Variants in PSD3 observed in about 807,000 individuals in gnomAD.
The protein encoded by PSD3 is PH and SEC7 domain-containing protein 3.
A neutral mutation model predicts 105.5 loss-of-function variants in PSD3; 49 were observed. That is an observed-to-expected ratio of 0.46 (90% confidence interval 0.37 to 0.59). The LOEUF (loss-of-function observed/expected upper bound fraction) is 0.59. Ranked by LOEUF, PSD3 falls within the 20% of genes least tolerant of loss-of-function variation. The pLI is 0.00. For synonymous variants in PSD3, 557 were observed against 457.8 expected, an observed-to-expected ratio of 1.22 and a Z score of -2.77; for missense variants, 1,561 against 1,263.8, an observed-to-expected ratio of 1.24 and a Z score of -3.57.
At chr8:18,974,922 A>C (rs1218268280) in intron 1 of PSD3, among the ~76,000 whole-genome samples, 3 of 152,164 alleles carry the variant, frequency 2.0e-5, no homozygotes, top group African/African-American at 4.8e-5. Flanking sequence ...AAAAATACAA[A>C]ATCTTTTTCC....
At chr8:18,949,244 AATATAT>A (rs1215845074) in intron 1 of PSD3, among the ~76,000 whole-genome samples, 145 of 14,384 alleles carry the variant, frequency 0.01, 4 homozygotes, top group African/African-American at 0.02. Context: ...AAAAAAAAAA[AATATAT>A]ATATATATAT....
intron 15 of PSD3, among the ~76,000 whole-genome samples, chr8:18,538,997 C>T (rs879239048): frequency 9.9e-5 from 15 of 152,092 alleles, no homozygotes; most frequent in Admixed American, 5.9e-4. Flanking sequence ...AACGCCGTGC[C>T]CCATTTCTGA....
chr8:18,987,161 A>G (rs1451577837), intron 1 of PSD3, among the ~76,000 whole-genome samples: 1 of 152,158 alleles, frequency 6.6e-6, no homozygotes, highest in Admixed American at 6.5e-5. Context: ...TAAAAGATAT[A>G]CAACACTCAC....
At chr8:18,710,886 T>A (rs944157479) in intron 9 of PSD3, among the ~76,000 whole-genome samples, 1 of 152,130 alleles carries the variant, frequency 6.6e-6, no homozygotes, top group African/African-American at 2.4e-5. Context: ...TTCACCATAT[T>A]GGACCAGGCT....
chr8:18,535,419 T>C lies in PSD3; in HGVS notation c.*324A>G, dbSNP rs977355205. 1.4e-5 allele frequency: 4 copies of C among 282,032 alleles called. No individual in the cohort carries two copies. The highest frequency in any genetic ancestry group is 2.7e-5 in the Non-Finnish European group (4 of 148,290). 17.5% of individuals were successfully genotyped at this position (282,032 alleles called of 1,614,324 possible). ...TTAAAAAAAAGTTTAACAGTTGATATGAGAATACATAAAACAACTGAGCAG... is the reference window on the plus strand; with the variant it reads ...TTAAAAAAAAGTTTAACAGTTGATACGAGAATACATAAAACAACTGAGCAG... On this transcript the variant is annotated 3_prime_UTR_variant, in exon 16 of 16. Coordinates refer to ENST00000327040, the MANE Select transcript of PSD3 (RefSeq NM_015310.4).
chr8:19,008,207 T>C lies in PSD3; in HGVS notation c.21+5356A>G, dbSNP rs1019501317. Among the ~76,000 whole-genome samples the C allele has an allele frequency of 9.2e-5, 14 of 152,262 alleles. No homozygotes were observed. The South Asian group carries it at 1.2e-3, about 14-fold the overall frequency. On this transcript the variant is annotated intron_variant, in intron 1 of 15. Transcript: ENST00000327040. ...TGGGGAAGGTGGCTGACAGACCTTT[T>C]GTAGCCACTAGAAATGAATCGGCGA...
At chr8:18,585,994 T>C (rs571714534) in intron 12 of PSD3, among the ~76,000 whole-genome samples, 3 of 152,146 alleles carry the variant, frequency 2.0e-5, no homozygotes, top group South Asian at 4.1e-4. Context: ...TATATTTTCC[T>C]AGGGGGATCT....
In PSD3 at chr8:18,600,308, AC is replaced by A. The variant is rs1459032910; in HGVS notation, c.2481+55del. On this transcript the variant is annotated intron_variant, in intron 12 of 15. Coordinates refer to ENST00000327040, the MANE Select transcript of PSD3 (RefSeq NM_015310.4). ...AGACTACCGTACATACATATACTGG[AC>A]CTCATGTAATTATTTCATCGAGTTT... 2.2e-5 allele frequency: 32 copies of A among 1,429,180 alleles called. No homozygotes were observed. The East Asian group carries it at 6.8e-4, about 31-fold the overall frequency. 88.5% of individuals were successfully genotyped at this position (1,429,180 alleles called of 1,614,324 possible).
chr8:18,835,883 G>C (rs1325101494), intron 4 of PSD3, among the ~76,000 whole-genome samples: 1 of 151,496 alleles, frequency 6.6e-6, no homozygotes, highest in African/African-American at 2.4e-5. Flanking sequence ...GTGTAGATGG[G>C]GGGGCGGATC....
intron 4 of PSD3, among the ~76,000 whole-genome samples, chr8:18,840,422 AC>A (rs1309712502): frequency 1.3e-5 from 2 of 152,208 alleles, no homozygotes; most frequent in East Asian, 3.8e-4. Context: ...GCTGAGAAAA[AC>A]ATTTCAGTGG....
intron 4 of PSD3, among the ~76,000 whole-genome samples, chr8:18,819,575 A>ATTTTTTTTTTTTTTTTTTTTTTT (rs746931460): frequency 1.8e-5 from 2 of 111,320 alleles, no homozygotes; most frequent in African/African-American, 3.5e-5. Flanking sequence ...ATTAGAATGG[A>ATTTTTTTTTTTTTTTTTTTTTTT]TTTTTTTTTT....
At chr8:18,566,155 T>G (rs1801733545) in intron 14 of PSD3, among the ~76,000 whole-genome samples, 1 of 152,114 alleles carries the variant, frequency 6.6e-6, no homozygotes. Flanking sequence ...TTTACATATG[T>G]GTTTCTCAAA....
At chr8:18,697,087 A>G (rs1325318087) in intron 9 of PSD3, among the ~76,000 whole-genome samples, 1 of 152,050 alleles carries the variant, frequency 6.6e-6, no homozygotes. Context: ...TATTTTATCA[A>G]ATTTAAAAGA....
chr8:18,932,623 C>A (rs1361871777), intron 2 of PSD3, among the ~76,000 whole-genome samples: 1 of 152,154 alleles, frequency 6.6e-6, no homozygotes, highest in East Asian at 1.9e-4. Flanking sequence ...TGCCTTTAGT[C>A]ATGTTCTTTA....
intron 9 of PSD3, among the ~76,000 whole-genome samples, chr8:18,729,122 T>C (rs1164822793): frequency 1.3e-5 from 2 of 152,208 alleles, no homozygotes; most frequent in African/African-American, 4.8e-5. Context: ...TAAGCAATTT[T>C]TAACGCTAGA....
At chr8:18,745,290 T>A (rs1450516385) in intron 9 of PSD3, among the ~76,000 whole-genome samples, 1 of 152,250 alleles carries the variant, frequency 6.6e-6, no homozygotes, top group Non-Finnish European at 1.5e-5. Context: ...ATTACTGCGA[T>A]ATTTGCCATT....
At chr8:18,544,421 T>C (rs1351483574) in intron 15 of PSD3, among the ~76,000 whole-genome samples, 1 of 151,644 alleles carries the variant, frequency 6.6e-6, no homozygotes, top group Non-Finnish European at 1.5e-5. Context: ...AAGAAAATGT[T>C]CAGGTTTTTT....
intron 1 of PSD3, among the ~76,000 whole-genome samples, chr8:19,011,811 G>A (rs1361021897): frequency 1.3e-5 from 2 of 151,598 alleles, no homozygotes; most frequent in Non-Finnish European, 2.9e-5. Flanking sequence ...ACGGAATTTG[G>A]CCGTAATAAG....
rs571398841 is a variant in PSD3 at position 18,568,696 on chromosome 8, C to T, written c.2784+3832G>A. ...ATGGGCCTTTCTGCTTCTAGTAGTA[C>T]CTTCTTCTTCTTTTTTTTTTTTATT... On this transcript the variant is annotated intron_variant, in intron 14 of 15. Coordinates refer to ENST00000327040, the MANE Select transcript of PSD3 (RefSeq NM_015310.4). Among the ~76,000 whole-genome samples the T allele has an allele frequency of 1.5e-3, 107 of 69,848 alleles. 3 individuals are homozygous for T. The South Asian group carries it at 0.07, about 45-fold the overall frequency. The allele number at this position is 69,848 out of a possible 152,430, so 45.8% of individuals were successfully genotyped here. A position where few individuals can be genotyped will look rare whatever the true frequency, so the allele number is the denominator to read the frequency against.
Sources: allele counts gnomAD v4.1 joint callset (sites outside exome capture counted in the v4.1 genomes callset), GRCh38; gene constraint gnomAD v4.1.1; transcripts MANE v1.5; gene names NCBI Gene and HGNC (gene_info 2026-07-23, HGNC 2026-07-21).